The following KLHL32 variants were observed in gnomAD, a reference collection of about 807,000 sequenced individuals.
KLHL32 encodes kelch like family member 32.
A neutral mutation model predicts 64.8 loss-of-function variants in KLHL32; 35 were observed. The ratio of observed to expected loss-of-function variants is 0.54; its 90% CI spans 0.41 to 0.72. KLHL32 has a LOEUF of 0.72. Among genes scored for constraint, KLHL32 ranks in the 30% least tolerant of loss-of-function variants. The pLI is 0.00. For synonymous variants in KLHL32, 259 were observed against 281.0 expected, an observed-to-expected ratio of 0.92 and a Z score of 0.78; for missense variants, 589 against 768.5, an observed-to-expected ratio of 0.77 and a Z score of 2.76.
At chr6:96,926,792 T>G (rs1769219748) in intron 1 of KLHL32, among the ~76,000 whole-genome samples, 1 of 152,160 alleles carries the variant, frequency 6.6e-6, no homozygotes, top group Admixed American at 6.5e-5. Flanking sequence ...ACATGACAGT[T>G]TTTTAAGGAA....
At chr6:97,114,814 G>A (rs915608428) in intron 7 of KLHL32, among the ~76,000 whole-genome samples, 6 of 152,126 alleles carry the variant, frequency 3.9e-5, no homozygotes, top group Non-Finnish European at 5.9e-5. Context: ...TTCATGGATT[G>A]TATTGCACAG....
chr6:97,107,608 T>C (rs1796588592), intron 6 of KLHL32, among the ~76,000 whole-genome samples: 1 of 152,196 alleles, frequency 6.6e-6, no homozygotes, highest in Non-Finnish European at 1.5e-5. Flanking sequence ...TTGCCAAGAA[T>C]CTCAAATAGA....
At chr6:96,964,831 C>T (rs1039071194) in intron 1 of KLHL32, among the ~76,000 whole-genome samples, 4 of 152,110 alleles carry the variant, frequency 2.6e-5, no homozygotes, top group African/African-American at 2.4e-5. Flanking sequence ...TAATCCTTAA[C>T]TCATTTTAAC....
At chr6:96,964,036 G>T (rs1292997360) in intron 1 of KLHL32, among the ~76,000 whole-genome samples, 1 of 152,202 alleles carries the variant, frequency 6.6e-6, no homozygotes, top group Non-Finnish European at 1.5e-5. Context: ...TGTGATAAAT[G>T]CAGTTCTATC....
upstream of KLHL32, among the ~76,000 whole-genome samples, chr6:96,921,906 A>G (rs1005129217): frequency 6.6e-6 from 1 of 152,236 alleles, no homozygotes. Context: ...TTGTGTTCCA[A>G]GATGCTTATC....
chr6:97,130,903 C>T lies in KLHL32; in HGVS notation c.1560C>T (p.Asn520=), dbSNP rs1349386808. 1.9e-6 allele frequency: 3 copies of T among 1,614,110 alleles called. No homozygotes were observed. Among genetic ancestry groups the T allele is most frequent in the Non-Finnish European group, 2.5e-6 (3 of 1,179,960 alleles). The change falls in exon 9 of 11, where the codon AAC becomes AAT. Residue 520 remains asparagine, a synonymous_variant. Transcript: ENST00000369261. ...TTGTGCGCCATATAGATTCTTACAA[C>T]ATAGACACTGACCAGTGGACACGTT... ...RILVRHIDSY[N]IDTDQWTRCN... is the part of the protein sequence containing the mutation.
chr6:97,090,663 G>A (rs1420406257), intron 6 of KLHL32, among the ~76,000 whole-genome samples: 3 of 152,202 alleles, frequency 2.0e-5, no homozygotes, highest in Non-Finnish European at 4.4e-5. Flanking sequence ...AGTACTAGAT[G>A]TCAAACAATA....
intron 5 of KLHL32, among the ~76,000 whole-genome samples, chr6:97,070,766 GT>G (rs1344897583): frequency 1.3e-5 from 2 of 152,134 alleles, no homozygotes; most frequent in Non-Finnish European, 2.9e-5. Flanking sequence ...TAAAAATGAA[GT>G]GTTTCCAGGA....
Position 97,130,859 on chromosome 6 carries a change from T to G in KLHL32, c.1516T>G (p.Tyr506Asp). The part of the protein sequence containing the change: ...LYVLGGNDLD[Y>D]NNDRILVRHI... ...TGTTCTTGGAGGCAATGACCTAGAC[T>G]ACAATAATGACCGGATCCTTGTGCG... is the stretch of plus-strand genomic sequence containing the variant. Residue 506 changes from tyrosine (Y) to aspartate (D), a missense_variant, in exon 9 of 11, where the codon TAC becomes GAC. Tyr to Asp is a radical substitution (Grantham distance 160, BLOSUM62 -3). Around this residue, in one of 3 missense-constraint regions of KLHL32, gnomAD observed 172 missense variants for 192.0 expected, o/e 0.90. Coordinates refer to ENST00000369261, the MANE Select transcript of KLHL32 (RefSeq NM_052904.4). 2 of 1,614,132 alleles carry G rather than the reference T, an allele frequency of 1.2e-6. No individual in the cohort carries two copies. Among genetic ancestry groups the G allele is most frequent in the South Asian group, 2.2e-5 (2 of 91,086 alleles).
intron 3 of KLHL32, among the ~76,000 whole-genome samples, chr6:97,017,407 C>T (rs1025797261): frequency 6.6e-6 from 1 of 152,208 alleles, no homozygotes; most frequent in African/African-American, 2.4e-5. Flanking sequence ...GAGTTGCTGC[C>T]CTTCTCTAAC....
At chr6:97,076,406 T>G (rs965603958) in intron 5 of KLHL32, among the ~76,000 whole-genome samples, 1 of 152,208 alleles carries the variant, frequency 6.6e-6, no homozygotes, top group Non-Finnish European at 1.5e-5. Context: ...TATCTGCACT[T>G]TTGAGAATCC....
intron 1 of KLHL32, among the ~76,000 whole-genome samples, chr6:96,959,012 G>A (rs1404061614): frequency 2.0e-5 from 3 of 152,116 alleles, no homozygotes; most frequent in Non-Finnish European, 4.4e-5. Context: ...GAGTGTTCTG[G>A]TAAAACAAGC....
At chr6:97,066,188 G>A (rs900936695) in intron 5 of KLHL32, among the ~76,000 whole-genome samples, 1 of 152,228 alleles carries the variant, frequency 6.6e-6, no homozygotes, top group East Asian at 1.9e-4. Flanking sequence ...TGGGCTTTAC[G>A]CATCATCACC....
chr6:96,996,323 G>A (rs545194704), intron 3 of KLHL32, among the ~76,000 whole-genome samples: 3 of 152,226 alleles, frequency 2.0e-5, no homozygotes, highest in South Asian at 2.1e-4. Context: ...GAGGCTGGGC[G>A]TGCTCCTGCC....
At chr6:96,919,927 A>G (rs922695636), upstream of KLHL32, among the ~76,000 whole-genome samples, 3 of 152,232 alleles carry the variant, frequency 2.0e-5, no homozygotes, top group Admixed American at 6.5e-5. Flanking sequence ...GCCTCAGTGG[A>G]GGGATAACAT....
In KLHL32 at chr6:97,139,786, T is replaced by C. The variant is rs1356121945; in HGVS notation, c.*504T>C. ...TGACATCATAAATTTTTAAATGCCA[T>C]ATTTTATTCAAGGTGATACGAATAA... On this transcript the variant is annotated 3_prime_UTR_variant, in exon 11 of 11. Transcript: ENST00000369261. The C allele has an allele frequency of 6.6e-6, 1 of 152,286 alleles. No homozygotes were observed. The highest frequency in any genetic ancestry group is 1.9e-4 in the East Asian group (1 of 5,200). 9.4% of individuals were successfully genotyped at this position (152,286 alleles called of 1,614,324 possible).
rs1232260344 is a variant in KLHL32 at position 97,002,204 on chromosome 6, G to A, written c.204+26027G>A. On this transcript the variant is annotated intron_variant, in intron 3 of 10. Transcript: ENST00000369261. The stretch of plus-strand genomic sequence containing the variant: ...AATGTTCCTGCTCAAAGACAGCCCG[G>A]CAGAGAGAAGGAATTCTTTTTTCAC... 2.0e-5 allele frequency among the ~76,000 whole-genome samples: 3 copies of A among 152,104 alleles called. No individual in the cohort carries two copies. The East Asian group carries it at 5.8e-4, about 29-fold the overall frequency.
intron 3 of KLHL32, among the ~76,000 whole-genome samples, chr6:97,018,299 A>G (rs543211885): frequency 6.6e-6 from 1 of 152,256 alleles, no homozygotes; most frequent in East Asian, 1.9e-4. Flanking sequence ...GCATCTGTTG[A>G]AAGATACAAA....
intron 1 of KLHL32, among the ~76,000 whole-genome samples, chr6:96,942,072 A>G (rs911733659): frequency 3.3e-5 from 5 of 152,198 alleles, no homozygotes; most frequent in African/African-American, 1.2e-4. Flanking sequence ...TCTGTTCTTA[A>G]CTATCTTGGG....
Sources: allele counts gnomAD v4.1 joint callset (sites outside exome capture counted in the v4.1 genomes callset), GRCh38; gene constraint gnomAD v4.1.1; regional missense constraint gnomAD v4.1.1; transcripts MANE v1.5; gene names NCBI Gene and HGNC (gene_info 2026-07-23, HGNC 2026-07-21).